OR11H4: variants seen among roughly 807,000 people sequenced by gnomAD.
OR11H4 encodes olfactory receptor 11H4.
For synonymous variants in OR11H4, 162 were observed against 142.3 expected, an observed-to-expected ratio of 1.14 and a Z score of -0.98; for missense variants, 460 against 371.1, an observed-to-expected ratio of 1.24 and a Z score of -1.97.
intron 1 of OR11H4, among the ~76,000 whole-genome samples, chr14:20,241,570 G>A (rs1432629233): frequency 1.3e-5 from 2 of 152,140 alleles, no homozygotes; most frequent in African/African-American, 4.8e-5. Flanking sequence ...GAGGTGGCCT[G>A]CCCCTCCACA....
Position 20,243,762 on chromosome 14 carries a change from C to G in OR11H4, c.941C>G (p.Ser314Trp), listed in dbSNP as rs200685446. 13 of 1,570,190 alleles carry G rather than the reference C, an allele frequency of 8.3e-6. No homozygotes were observed. The highest frequency in any genetic ancestry group is 1.1e-5 in the Non-Finnish European group (13 of 1,158,484). Residue 314 changes from serine (S) to tryptophan (W), a missense_variant, in exon 2 of 2, where the codon TCG (serine) becomes TGG (tryptophan). By Grantham distance (177) the Ser-to-Trp change is radical (BLOSUM62 -3). Transcript: ENST00000641082. Reference protein sequence around the residue: ...VLFGMRIRQNS With the variant: ...VLFGMRIRQNW ...TTTGGAATGAGAATTCGTCAAAATT[C>G]GTGAGCCAAAGATGTGCCATACTTA...
At position 20,243,280 on chromosome 14, in the gene OR11H4, C is replaced by G; in HGVS notation, c.459C>G (p.Phe153Leu). Residue 153 changes from phenylalanine (F) to leucine (L), a missense_variant, in exon 2 of 2, where the codon TTC becomes TTG. Coordinates refer to ENST00000641082, the MANE Select transcript of OR11H4 (RefSeq NM_001004479.2). The part of the protein sequence containing the change: ...KLVSFCWLIG[F>L]LGYPIPIFYI... ...TGTCTTTCTGTTGGCTTATTGGATT[C>G]CTTGGATACCCAATTCCCATTTTCT... is the stretch of plus-strand genomic sequence containing the variant. 1 of 1,614,088 alleles carries G rather than the reference C, an allele frequency of 6.2e-7. No homozygotes were observed. The highest frequency in any genetic ancestry group is 8.5e-7 in the Non-Finnish European group (1 of 1,179,994).
intron 1 of OR11H4, 119 bp from the exon 2 acceptor site, chr14:20,242,692 T>C: frequency 3.5e-6 from 4 of 1,139,274 alleles, no homozygotes; most frequent in Non-Finnish European, 5.0e-6. Context: ...TCAGATTATC[T>C]CATGTATTTT....
At chr14:20,239,846 T>C (rs1880877927) in intron 1 of OR11H4, among the ~76,000 whole-genome samples, 1 of 152,174 alleles carries the variant, frequency 6.6e-6, no homozygotes, top group Non-Finnish European at 1.5e-5. Flanking sequence ...GACAGCGTTT[T>C]GGAGACTTTG....
chr14:20,241,101 C>A (rs1835728296), intron 1 of OR11H4, among the ~76,000 whole-genome samples: 1 of 152,050 alleles, frequency 6.6e-6, no homozygotes, highest in African/African-American at 2.4e-5. Flanking sequence ...CATTTCATCT[C>A]AGATTCTTTT....
At chr14:20,239,670 G>C (rs1170025596) in intron 1 of OR11H4, among the ~76,000 whole-genome samples, 3 of 151,644 alleles carry the variant, frequency 2.0e-5, no homozygotes, top group Non-Finnish European at 2.9e-5. Flanking sequence ...CTCCAGCCTC[G>C]GCGACAGAGC....
chr14:20,241,088 C>T (rs1035217027), intron 1 of OR11H4, among the ~76,000 whole-genome samples: 14 of 151,930 alleles, frequency 9.2e-5, no homozygotes, highest in Admixed American at 5.9e-4. Context: ...GCAGATGAAG[C>T]CCCATTTCAT....
At chr14:20,241,659 C>T (rs1402311489) in intron 1 of OR11H4, among the ~76,000 whole-genome samples, 7 of 152,164 alleles carry the variant, frequency 4.6e-5, no homozygotes, top group Admixed American at 3.3e-4. Context: ...AGAGAAACAA[C>T]AGTGAGCCCA....
rs748287260 is a variant in OR11H4, at chr14:20,242,958, T to A, written c.137T>A (p.Ile46Asn). ...ACCTTGCTGGGAAATGGAGCCATCA[T>A]CTATGCAGTGAGATGCAACCCACTA... The part of the protein sequence containing the change: ...VLTLLGNGAI[I>N]YAVRCNPLLH... The change falls in exon 2 of 2, where the codon ATC becomes AAC. Residue 46 changes from isoleucine (I) to asparagine (N), a missense_variant. Transcript: ENST00000641082. The A allele has an allele frequency of 1.9e-6, 3 of 1,614,048 alleles. No individual in the cohort carries two copies. The highest frequency in any genetic ancestry group is 2.5e-6 in the Non-Finnish European group (3 of 1,180,034).
intron 1 of OR11H4, among the ~76,000 whole-genome samples, chr14:20,239,693 G>C (rs906748472): frequency 2.1e-5 from 3 of 145,122 alleles, no homozygotes; most frequent in Non-Finnish European, 4.5e-5. Flanking sequence ...GACTGTCTCA[G>C]AAAAAAAAAA....
At chr14:20,239,521 C>T (rs997796226) in intron 1 of OR11H4, among the ~76,000 whole-genome samples, 190 bp downstream of exon 1, 2 of 151,886 alleles carry the variant, frequency 1.3e-5, no homozygotes, top group African/African-American at 2.4e-5. Flanking sequence ...GGCGAAACCC[C>T]GTCTCTACTA....
chr14:20,241,893 A>T (rs192839143), intron 1 of OR11H4, among the ~76,000 whole-genome samples: 1,583 of 152,024 alleles, frequency 0.01, 13 homozygotes, highest in South Asian at 0.027. Context: ...TAGGCCAGAT[A>T]TATAGTTCTC....
chr14:20,240,724 G>A (rs749228001), intron 1 of OR11H4, among the ~76,000 whole-genome samples: 14 of 151,466 alleles, frequency 9.2e-5, no homozygotes, highest in Non-Finnish European at 1.5e-4. Flanking sequence ...TTACAGGCAC[G>A]CACCACCACA....
At position 20,243,645 on chromosome 14, in the gene OR11H4, C is replaced by T; in HGVS notation, c.824C>T (p.Thr275Ile). The stretch of plus-strand genomic sequence containing the variant: ...CCAACTTTATTGCAGAAGATCCTCA[C>T]ACTGGTATATTCAGTAACGACTCCT... ...GIPTLLQKIL[T>I]LVYSVTTPLF... The change falls in exon 2 of 2, where the codon ACA becomes ATA. Residue 275 changes from threonine (T) to isoleucine (I), a missense_variant. Physicochemically the swap from Thr to Ile is moderately conservative, Grantham distance 89 (BLOSUM62 -1). Transcript: ENST00000641082. 1 of 1,614,030 alleles carries T rather than the reference C, an allele frequency of 6.2e-7. No individual in the cohort carries two copies. Among genetic ancestry groups the T allele is most frequent in the Non-Finnish European group, 8.5e-7 (1 of 1,179,938 alleles).
In OR11H4 at chr14:20,243,265, T is replaced by A. The variant is rs1206826890; in HGVS notation, c.444T>A (p.Cys148Ter). ...VRFCGKLVSF[C>*]WLIGFLGYPI... ...TCTGTGGTAAGCTGGTGTCTTTCTG[T>A]TGGCTTATTGGATTCCTTGGATACC... Residue 148 changes from cysteine to a stop codon, truncating the protein, a stop_gained, in exon 2 of 2, where the codon TGT becomes TGA. Coordinates refer to ENST00000641082, the MANE Select transcript of OR11H4 (RefSeq NM_001004479.2). LOFTEE classifies it low-confidence loss of function (END_TRUNC). The A allele has an allele frequency of 6.2e-7, 1 of 1,614,216 alleles. No individual in the cohort carries two copies. Among genetic ancestry groups the A allele is most frequent in the Non-Finnish European group, 8.5e-7 (1 of 1,180,040 alleles).
intron 1 of OR11H4, among the ~76,000 whole-genome samples, chr14:20,240,516 G>A (rs74033858): frequency 0.023 from 3,538 of 151,254 alleles, 145 homozygotes; most frequent in African/African-American, 0.08. Flanking sequence ...TATGACTGGT[G>A]ACCTGCAATA....
intron 1 of OR11H4, among the ~76,000 whole-genome samples, chr14:20,240,355 C>G (rs1209766671): frequency 6.6e-6 from 1 of 152,132 alleles, no homozygotes; most frequent in Non-Finnish European, 1.5e-5. Context: ...CTCAGATGCT[C>G]CAAATTTCCC....
Position 20,239,646 on chromosome 14 carries a change from A to G in OR11H4, c.-12+315A>G, listed in dbSNP as rs1273363623. On this transcript the variant is annotated intron_variant, in intron 1 of 1. Transcript: ENST00000641082. ...GAGGTGGAGCTTGCAGTGAGCCGAGATCGCGCCACTGCACTCCAGCCTCGG... is the reference window on the plus strand; with the variant it reads ...GAGGTGGAGCTTGCAGTGAGCCGAGGTCGCGCCACTGCACTCCAGCCTCGG... 2.0e-5 allele frequency among the ~76,000 whole-genome samples: 3 copies of G among 152,022 alleles called. No homozygotes were observed. The East Asian group carries it at 5.8e-4, about 29-fold the overall frequency.
In OR11H4 at chr14:20,243,225, T is replaced by C. The variant is rs781522875; in HGVS notation, c.404T>C (p.Ile135Thr). The change falls in exon 2 of 2, where the codon ATC becomes ACC. Residue 135 changes from isoleucine to threonine, a missense_variant. Ile to Thr is a moderately conservative substitution (Grantham distance 89). Transcript: ENST00000641082. The part of the protein sequence containing the change: ...AICHPLQYPA[I>T]MTVRFCGKLV... ...TGCCACCCACTGCAGTACCCTGCCA[T>C]CATGACTGTAAGGTTCTGTGGTAAG... The C allele has an allele frequency of 1.2e-6, 2 of 1,614,192 alleles. No homozygotes were observed. Among genetic ancestry groups the C allele is most frequent in the Non-Finnish European group, 1.7e-6 (2 of 1,180,020 alleles).
Sources: gnomAD v4.1 joint callset for allele counts (sites outside exome capture counted in the v4.1 genomes callset) on GRCh38, gnomAD v4.1.1 for gene constraint, MANE v1.5 for transcripts, NCBI Gene and HGNC (gene_info 2026-07-23, HGNC 2026-07-21) for gene names.